Variants in SLIT2 observed in about 807,000 individuals in gnomAD.
SLIT2 encodes the protein slit homolog 2 protein.
In SLIT2, 41 loss-of-function variants were observed where a neutral mutation model predicts 185.7. The ratio of observed to expected loss-of-function variants is 0.22; its 90% CI spans 0.17 to 0.29. SLIT2 has a LOEUF of 0.29. Ranked by LOEUF, SLIT2 falls within the 10% of genes least tolerant of loss-of-function variation. SLIT2 has a pLI of 1.00. For synonymous variants in SLIT2, 693 were observed against 680.2 expected, an observed-to-expected ratio of 1.02 and a Z score of -0.29; for missense variants, 1,571 against 1,909.0, an observed-to-expected ratio of 0.82 and a Z score of 3.30.
rs531059860 is a variant in SLIT2, at chr4:20,303,646, C to T, written c.395+34765C>T. 7.2e-5 allele frequency among the ~76,000 whole-genome samples: 11 copies of T among 152,290 alleles called. No homozygotes were observed. The South Asian group carries it at 1.9e-3, about 26-fold the overall frequency. ...GCCCACGCTCCACTGAATGGATAAA[C>T]AAACAACAGTGACACAGCATCAGGC... On this transcript the variant is annotated intron_variant, in intron 4 of 36. Transcript: ENST00000504154.
Position 20,619,381 on chromosome 4 carries a change from C to T in SLIT2, c.*372C>T, listed in dbSNP as rs1393110820. On this transcript the variant is annotated 3_prime_UTR_variant, in exon 37 of 37. Transcript: ENST00000504154. The stretch of plus-strand genomic sequence containing the variant: ...TGCCCAGAGCATAAAACCTGTGTAC[C>T]CTCCTTCACATCAACCAAGTTCACT... 6.3e-6 allele frequency: 1 copy of T among 159,936 alleles called. No homozygotes were observed. The highest frequency in any genetic ancestry group is 1.4e-5 in the Non-Finnish European group (1 of 73,094). The allele number at this position is 159,936 out of a possible 1,614,324, so 9.9% of individuals were successfully genotyped here.
At chr4:20,326,765 T>TC (rs1719631367) in intron 4 of SLIT2, among the ~76,000 whole-genome samples, 1 of 149,400 alleles carries the variant, frequency 6.7e-6, no homozygotes, top group Admixed American at 6.7e-5. Flanking sequence ...TTTTTTTTTT[T>TC]TTTTAAGTAC....
intron 29 of SLIT2, among the ~76,000 whole-genome samples, chr4:20,587,454 A>C (rs1193570297): frequency 6.6e-6 from 1 of 152,202 alleles, no homozygotes; most frequent in Admixed American, 6.5e-5. Flanking sequence ...AGAGGTAAGG[A>C]ATACTTGACA....
At chr4:20,508,257 G>C (rs1719381337) in intron 9 of SLIT2, among the ~76,000 whole-genome samples, 1 of 151,910 alleles carries the variant, frequency 6.6e-6, no homozygotes, top group Non-Finnish European at 1.5e-5. Flanking sequence ...GGAGTTAAGA[G>C]GATGTCCTTG....
chr4:20,479,256 A>G (rs1560461384), intron 5 of SLIT2, among the ~76,000 whole-genome samples: 1 of 152,280 alleles, frequency 6.6e-6, no homozygotes, highest in East Asian at 1.9e-4. Context: ...CATAATTTCT[A>G]AAGTAAGGAA....
chr4:20,472,288 A>ATC (rs1715213475), intron 5 of SLIT2, among the ~76,000 whole-genome samples: 4 of 21,232 alleles, frequency 1.9e-4, no homozygotes, highest in East Asian at 3.0e-3. Flanking sequence ...ATATATATAG[A>ATC]TATATAGATA....
intron 32 of SLIT2, 92 bp from the exon 33 acceptor site, chr4:20,598,162 TAAACCATAGTA>T: frequency 1.7e-6 from 1 of 590,112 alleles, no homozygotes. Context: ...CAGGAAAACA[TAAACCATAGTA>T]AAACCTGTTC....
Position 20,316,419 on chromosome 4 carries a change from A to G in SLIT2, c.395+47538A>G, listed in dbSNP as rs375816803. On this transcript the variant is annotated intron_variant, in intron 4 of 36. Coordinates refer to ENST00000504154, the MANE Select transcript of SLIT2 (RefSeq NM_004787.4). The stretch of plus-strand genomic sequence containing the variant: ...TATTTACAAAAATTATAGCCAAGAC[A>G]TAGGAGACAATTTAGATATGCTACA... Among the ~76,000 whole-genome samples, 4 of 152,042 alleles carry G rather than the reference A, an allele frequency of 2.6e-5. No individual in the cohort carries two copies. The East Asian group carries it at 5.8e-4, about 22-fold the overall frequency.
chr4:20,428,054 A>G (rs1390435475), intron 4 of SLIT2, among the ~76,000 whole-genome samples: 1 of 152,176 alleles, frequency 6.6e-6, no homozygotes, highest in African/African-American at 2.4e-5. Context: ...CAAAGAGAAA[A>G]CTGAGGACTA....
chr4:20,331,999 C>A (rs1720102452), intron 4 of SLIT2, among the ~76,000 whole-genome samples: 1 of 152,080 alleles, frequency 6.6e-6, no homozygotes, highest in South Asian at 2.1e-4. Context: ...CATGGATATG[C>A]CTTACTTTGT....
In SLIT2 at chr4:20,448,319, T is replaced by G. The variant is rs188113801; in HGVS notation, c.396-19433T>G. ...TATTATTTATGAGTTTATTTTTTTTTGAGACAGAGCCTCGCTCTGTCACTC... is the reference window on the plus strand; with the variant it reads ...TATTATTTATGAGTTTATTTTTTTTGGAGACAGAGCCTCGCTCTGTCACTC... On this transcript the variant is annotated intron_variant, in intron 4 of 36. Coordinates refer to ENST00000504154, the MANE Select transcript of SLIT2 (RefSeq NM_004787.4). Among the ~76,000 whole-genome samples, 1,186 of 152,200 alleles carry G rather than the reference T, an allele frequency of 7.8e-3. 21 individuals carry two copies. The highest frequency in any genetic ancestry group is 0.025 in the African/African-American group (1,046 of 41,542).
intron 4 of SLIT2, among the ~76,000 whole-genome samples, chr4:20,357,985 TTTAA>T (rs1188386425): frequency 6.6e-6 from 1 of 152,146 alleles, no homozygotes; most frequent in Non-Finnish European, 1.5e-5. Flanking sequence ...ATATGTGGAT[TTTAA>T]TTGTTACATA....
chr4:20,367,289 G>A (rs1395735244), intron 4 of SLIT2, among the ~76,000 whole-genome samples: 1 of 152,094 alleles, frequency 6.6e-6, no homozygotes, highest in Non-Finnish European at 1.5e-5. Context: ...GACAATAATT[G>A]AGATGCTTCT....
At position 20,598,401 on chromosome 4, in the gene SLIT2, G is replaced by A; in HGVS notation, c.3692+6G>A. 1 of 1,613,958 alleles carries A rather than the reference G, an allele frequency of 6.2e-7. No individual in the cohort carries two copies. Among genetic ancestry groups the A allele is most frequent in the Non-Finnish European group, 8.5e-7 (1 of 1,179,928 alleles). ...CCAGCTTCTGCCATTTACAGGTGAAGATCTCTCAGTTACGGGTAAAGGTGA... is the reference window on the plus strand; with the variant it reads ...CCAGCTTCTGCCATTTACAGGTGAAAATCTCTCAGTTACGGGTAAAGGTGA... On this transcript the variant is annotated splice_donor_region_variant and intron_variant, in intron 33 of 36. Transcript: ENST00000504154.
At chr4:20,461,881 A>G (rs1005566973) in intron 4 of SLIT2, among the ~76,000 whole-genome samples, 2 of 152,188 alleles carry the variant, frequency 1.3e-5, no homozygotes, top group African/African-American at 4.8e-5. Flanking sequence ...ATCATAAGTC[A>G]AAGCAGGGAA....
intron 4 of SLIT2, among the ~76,000 whole-genome samples, chr4:20,310,476 T>A (rs1021253855): frequency 6.6e-6 from 1 of 152,204 alleles, no homozygotes; most frequent in African/African-American, 2.4e-5. Context: ...ACTGAGACTT[T>A]TCTCTTATCC....
At chr4:20,264,536 T>C (rs1028459572) in intron 3 of SLIT2, among the ~76,000 whole-genome samples, 1 of 151,816 alleles carries the variant, frequency 6.6e-6, no homozygotes, top group African/African-American at 2.4e-5. Flanking sequence ...GAGGTGAAAG[T>C]CGCAAAAAGT....
intron 26 of SLIT2, 99 bp from the exon 27 acceptor site, chr4:20,567,163 A>G: frequency 1.9e-6 from 2 of 1,064,198 alleles, no homozygotes; most frequent in Non-Finnish European, 2.8e-6. Context: ...GTGACCAATA[A>G]TAATTTTATA....
chr4:20,520,033 C>CAAAAAA (rs34644308), intron 12 of SLIT2, among the ~76,000 whole-genome samples: 22 of 68,316 alleles, frequency 3.2e-4, no homozygotes, highest in East Asian at 4.5e-4. Flanking sequence ...GACTCCGTCT[C>CAAAAAA]AAAAAAAAAA....
Sources: gnomAD v4.1 joint callset for allele counts (sites outside exome capture counted in the v4.1 genomes callset) on GRCh38, gnomAD v4.1.1 for gene constraint, MANE v1.5 for transcripts, NCBI Gene and HGNC (gene_info 2026-07-23, HGNC 2026-07-21) for gene names.